Variants in HYDIN observed in about 807,000 individuals in gnomAD.
HYDIN encodes HYDIN axonemal central pair apparatus protein.
In HYDIN, 132 loss-of-function variants were observed where a neutral mutation model predicts 403.9. That is an observed-to-expected ratio of 0.33 (90% CI 0.28 to 0.38). The LOEUF is 0.38. Among genes scored for constraint, HYDIN ranks in the 10% least tolerant of loss-of-function variants. The pLI is 1.00. For synonymous variants in HYDIN, 1,202 were observed against 1,891.7 expected, an observed-to-expected ratio of 0.64 and a Z score of 9.46; for missense variants, 2,827 against 5,009.5, an observed-to-expected ratio of 0.56 and a Z score of 13.15.
intron 3 of HYDIN, among the ~76,000 whole-genome samples, chr16:71,182,311 AC>A (rs1300844804): frequency 1.3e-5 from 2 of 152,178 alleles, no homozygotes; most frequent in South Asian, 2.1e-4. Flanking sequence ...TTTTAAAAAA[AC>A]ATTCTTACTG....
At chr16:70,947,272 G>A (rs2077899584) in intron 41 of HYDIN, among the ~76,000 whole-genome samples, 1 of 150,700 alleles carries the variant, frequency 6.6e-6, no homozygotes, top group Non-Finnish European at 1.5e-5. Flanking sequence ...TTTGTCAAAG[G>A]CCTTTTCTGC....
At chr16:71,125,914 T>G in intron 9 of HYDIN, among the ~76,000 whole-genome samples, 1 of 151,114 alleles carries the variant, frequency 6.6e-6, no homozygotes, top group Non-Finnish European at 1.5e-5. Context: ...CACTGGGCAT[T>G]TCCACTATCT....
chr16:70,902,965 T>G (rs1020884931), intron 52 of HYDIN, among the ~76,000 whole-genome samples: 2 of 148,600 alleles, frequency 1.3e-5, no homozygotes, highest in Admixed American at 6.7e-5. Context: ...CTATGCTTTT[T>G]TTTTTTTTCG....
chr16:70,992,016 C>T (rs748293365), intron 24 of HYDIN, 54 bp downstream of exon 24: 60 of 1,609,480 alleles, frequency 3.7e-5, no homozygotes, highest in African/African-American at 1.2e-4. Flanking sequence ...AATGTAAGTC[C>T]GTGTAAAGAA....
chr16:71,023,060 C>T (rs1194865826), intron 21 of HYDIN, among the ~76,000 whole-genome samples: 2 of 152,162 alleles, frequency 1.3e-5, no homozygotes, highest in Middle Eastern at 3.2e-3. Flanking sequence ...ACTGAGTTTT[C>T]TCCCAGTAAT....
intron 19 of HYDIN, among the ~76,000 whole-genome samples, chr16:71,028,211 A>C (rs1018959): frequency 6.6e-6 from 1 of 151,760 alleles, no homozygotes; most frequent in Non-Finnish European, 1.5e-5. Context: ...ATACCTACTG[A>C]AGGAGAAGCG....
intron 12 of HYDIN, among the ~76,000 whole-genome samples, chr16:71,084,580 G>A (rs2082879388): frequency 6.8e-6 from 1 of 147,796 alleles, no homozygotes; most frequent in Non-Finnish European, 1.5e-5. Flanking sequence ...GTAGAGACAG[G>A]GTTTCACCAT....
chr16:71,116,644 C>T (rs2084047518), intron 9 of HYDIN, among the ~76,000 whole-genome samples: 1 of 152,072 alleles, frequency 6.6e-6, no homozygotes, highest in Non-Finnish European at 1.5e-5. Flanking sequence ...TACAGTCCCA[C>T]CAACAGTGTA....
intron 1 of HYDIN, chr16:71,203,791 AC>A: frequency 2.2e-6 from 1 of 456,024 alleles, no homozygotes; most frequent in South Asian, 1.5e-5. Flanking sequence ...TGAGTCCAGA[AC>A]AGATAACAGA....
At chr16:71,134,991 A>C (rs986998397) in intron 8 of HYDIN, among the ~76,000 whole-genome samples, 9 of 152,340 alleles carry the variant, frequency 5.9e-5, no homozygotes, top group Admixed American at 3.3e-4. Flanking sequence ...TTACCGAGAT[A>C]AAACAATAGT....
chr16:71,220,378 A>T (rs545462215), intron 1 of HYDIN, among the ~76,000 whole-genome samples: 8 of 152,346 alleles, frequency 5.3e-5, no homozygotes, highest in Admixed American at 2.6e-4. Context: ...TCCTTCCCCC[A>T]AATAACTCTA....
At chr16:71,179,861 G>A (rs1219371132) in intron 3 of HYDIN, among the ~76,000 whole-genome samples, 1 of 152,208 alleles carries the variant, frequency 6.6e-6, no homozygotes, top group South Asian at 2.1e-4. Flanking sequence ...GGTAGTGCCA[G>A]GTTTCCCTTG....
intron 36 of HYDIN, among the ~76,000 whole-genome samples, chr16:70,965,980 T>C (rs1397251163): frequency 6.6e-6 from 1 of 152,202 alleles, no homozygotes; most frequent in African/African-American, 2.4e-5. Flanking sequence ...GGAACTGTGA[T>C]AAAGCATAGA....
chr16:70,822,018 A>G (rs2036299614), intron 83 of HYDIN, among the ~76,000 whole-genome samples: 1 of 152,248 alleles, frequency 6.6e-6, no homozygotes, highest in African/African-American at 2.4e-5. Context: ...ATGCCTGCTA[A>G]CACAACATCT....
chr16:70,944,411 A>G (rs1302417271), intron 41 of HYDIN, among the ~76,000 whole-genome samples: 2 of 152,270 alleles, frequency 1.3e-5, no homozygotes, highest in African/African-American at 4.8e-5. Context: ...ATAAGGAATC[A>G]TAACAGGGCT....
chr16:71,028,723 G>T (rs1366352527), intron 19 of HYDIN, among the ~76,000 whole-genome samples: 1 of 152,012 alleles, frequency 6.6e-6, no homozygotes, highest in African/African-American at 2.4e-5. Context: ...GTTGAACCAT[G>T]AAATAAACAA....
At chr16:71,004,301 C>T (rs762856610) in intron 23 of HYDIN, among the ~76,000 whole-genome samples, 24 of 136,328 alleles carry the variant, frequency 1.8e-4, no homozygotes, top group Admixed American at 1.0e-3. Flanking sequence ...GCAACAAGAG[C>T]GAAACTCCAT....
chr16:71,096,570 C>T (rs866285066), intron 10 of HYDIN, among the ~76,000 whole-genome samples: 33 of 150,986 alleles, frequency 2.2e-4, no homozygotes, highest in Admixed American at 1.5e-3. Flanking sequence ...TTCCACTTTA[C>T]AAAATCTCTC....
rs186546632 is a variant in HYDIN at position 70,803,580 on chromosome 16, C to T, written c.*4000G>A. On this transcript the variant is annotated 3_prime_UTR_variant, in exon 86 of 86. Coordinates refer to ENST00000393567, the MANE Select transcript of HYDIN (RefSeq NM_001270974.2). The stretch of plus-strand genomic sequence containing the variant: ...GTTCTGTAACAACTATTCATAATAG[C>T]TATTACAAGTATGTAAAAGTTATGA... Among the ~76,000 whole-genome samples, 1 of 152,306 alleles carries T rather than the reference C, an allele frequency of 6.6e-6. No individual in the cohort carries two copies. The highest frequency in any genetic ancestry group is 1.5e-5 in the Non-Finnish European group (1 of 68,022).
Sources: allele counts gnomAD v4.1 joint callset (sites outside exome capture counted in the v4.1 genomes callset), GRCh38; gene constraint gnomAD v4.1.1; transcripts MANE v1.5; gene names NCBI Gene and HGNC (gene_info 2026-07-23, HGNC 2026-07-21).